NUDT7: variants seen among roughly 807,000 people sequenced by gnomAD.
NUDT7 encodes the protein nudix hydrolase 7.
NUDT7 carries 19 observed loss-of-function variants against 13.1 expected under a neutral mutation model. That is an observed-to-expected ratio of 1.45 (90% CI 1.01 to 2.13). The LOEUF is 2.13. Among genes scored for constraint, NUDT7 ranks in the 30% most tolerant of loss-of-function variants. The pLI is 0.00. For missense variants in NUDT7, 360 were observed against 291.7 expected (o/e 1.23, Z -1.71); for synonymous variants, 132 against 109.7 (o/e 1.20, Z -1.27).
chr16:77,735,037 G>A lies in NUDT7; in HGVS notation c.190-791G>A, dbSNP rs190041441. ...TAGTAGCTTATAGGACTGTTCTGAG[G>A]ACCCAGTGGGAAAAATCTTTATGAA... On this transcript the variant is annotated intron_variant, in intron 2 of 3. Coordinates refer to ENST00000268533, the MANE Select transcript of NUDT7 (RefSeq NM_001105663.3). Among the ~76,000 whole-genome samples the A allele has an allele frequency of 3.7e-3, 568 of 152,198 alleles. 4 individuals are homozygous for A. Among genetic ancestry groups the A allele is most frequent in the South Asian group, 0.011 (51 of 4,816 alleles).
intron 2 of NUDT7, among the ~76,000 whole-genome samples, chr16:77,731,272 T>C (rs1433439518): frequency 3.3e-5 from 5 of 152,204 alleles, no homozygotes; most frequent in African/African-American, 4.8e-5. Flanking sequence ...AAAATTGGTA[T>C]GCTATGAGAT....
At position 77,725,508 on chromosome 16, in the gene NUDT7, A is replaced by G. The variant is rs767347990; in HGVS notation, c.113A>G (p.Asn38Ser). 1 of 1,614,112 alleles carries G rather than the reference A, an allele frequency of 6.2e-7. No homozygotes were observed. The highest frequency in any genetic ancestry group is 8.5e-7 in the Non-Finnish European group (1 of 1,179,954). ...IGGKYSHLPY[N>S]KYSVLLPLVA... is the part of the protein sequence containing the mutation. ...GGCAAATATTCTCACTTGCCATATA[A>G]CAAATACTCCGTCCTTTTGCCATTG... Residue 38 changes from asparagine to serine, a missense_variant, in exon 2 of 4, where the codon AAC becomes AGC. Physicochemically the swap from Asn to Ser is conservative, Grantham distance 46. Transcript: ENST00000268533.
At chr16:77,735,709 C>T in intron 2 of NUDT7, 119 bp from the exon 3 acceptor site, 1 of 921,520 alleles carries the variant, frequency 1.1e-6, no homozygotes, top group Admixed American at 2.2e-5. Context: ...GTCTTGATAC[C>T]ACCACCTGGG....
In NUDT7 at chr16:77,741,638, G is replaced by C; in HGVS notation, c.405G>C (p.Gln135His). 1.2e-6 allele frequency: 2 copies of C among 1,613,800 alleles called. No individual in the cohort carries two copies. The highest frequency in any genetic ancestry group is 1.7e-6 in the Non-Finnish European group (2 of 1,179,992). Residue 135 changes from glutamine to histidine, a missense_variant, in exon 4 of 4, where the codon CAG becomes CAC. Transcript: ENST00000268533. ...VGLIDHNFQA[Q>H]PNPAEVKDVF... is the part of the protein sequence containing the mutation. The stretch of plus-strand genomic sequence containing the variant: ...TAATAGACCACAACTTCCAGGCCCA[G>C]CCGAATCCTGCTGAAGTTAAGGATG...
Position 77,741,991 on chromosome 16 carries a change from T to G in NUDT7, c.*41T>G. The stretch of plus-strand genomic sequence containing the variant: ...GACAAAGAACTATTCACGAGGATTC[T>G]GTGTGTGCTTATTCGTAGAACAACA... On this transcript the variant is annotated 3_prime_UTR_variant, in exon 4 of 4. Transcript: ENST00000268533. 6.6e-7 allele frequency: 1 copy of G among 1,521,518 alleles called. No individual in the cohort carries two copies. The highest frequency in any genetic ancestry group is 1.3e-5 in the South Asian group (1 of 75,574). 94.3% of individuals were successfully genotyped at this position (1,521,518 alleles called of 1,614,324 possible).
chr16:77,736,614 C>G (rs2014492282), intron 3 of NUDT7: 2 of 214,182 alleles, frequency 9.3e-6, no homozygotes, highest in African/African-American at 4.6e-5. Context: ...CTGAGATAAC[C>G]ACATCTTATT....
intron 3 of NUDT7, among the ~76,000 whole-genome samples, chr16:77,739,933 T>A (rs1047482054): frequency 1.3e-5 from 2 of 152,146 alleles, no homozygotes; most frequent in African/African-American, 2.4e-5. Context: ...GAACACCCCA[T>A]GGTGCCCTTG....
intron 2 of NUDT7, among the ~76,000 whole-genome samples, chr16:77,731,795 G>A (rs2014326651): frequency 6.6e-6 from 1 of 151,942 alleles, no homozygotes; most frequent in African/African-American, 2.4e-5. Flanking sequence ...AGAAGACAGT[G>A]ATATTGATTA....
chr16:77,731,685 A>C (rs7194640), intron 2 of NUDT7, among the ~76,000 whole-genome samples: 2 of 152,102 alleles, frequency 1.3e-5, no homozygotes, highest in South Asian at 4.1e-4. Context: ...CCTTCAGGAG[A>C]TATTCCAAAA....
At chr16:77,738,065 C>G (rs1168043346) in intron 3 of NUDT7, among the ~76,000 whole-genome samples, 1 of 152,090 alleles carries the variant, frequency 6.6e-6, no homozygotes, top group Non-Finnish European at 1.5e-5. Flanking sequence ...TGTATGAAAG[C>G]GAGATGGAGA....
intron 2 of NUDT7, among the ~76,000 whole-genome samples, chr16:77,733,834 G>T (rs1397672355): frequency 6.6e-6 from 1 of 152,146 alleles, no homozygotes; most frequent in East Asian, 1.9e-4. Flanking sequence ...AGGAGAGAAA[G>T]GATAGTGGGT....
rs770553176 is a variant in NUDT7 at position 77,722,595 on chromosome 16, G to A, written c.13G>A (p.Gly5Ser). ...ATTCCCCAGGGCAATGTCACGACTT[G>A]GTCTTCCCGAGGAGCCAGTCAGGTA... is the stretch of plus-strand genomic sequence containing the variant. Reference protein sequence around the residue: MSRLGLPEEPVRNSL... With the variant: MSRLSLPEEPVRNSL... Residue 5 changes from glycine to serine, a missense_variant, in exon 1 of 4, where the codon GGT becomes AGT. Transcript: ENST00000268533. 10 of 1,593,674 alleles carry A rather than the reference G, an allele frequency of 6.3e-6. No homozygotes were observed. In the Middle Eastern group the frequency reaches 1.0e-3, roughly 160 times the overall value.
intron 3 of NUDT7, chr16:77,736,663 G>T (rs543826634): frequency 2.2e-5 from 6 of 277,934 alleles, no homozygotes; most frequent in Non-Finnish European, 4.6e-5. Context: ...TGGGGGTCTC[G>T]CTATGTTGAT....
intron 1 of NUDT7, 146 bp downstream of exon 1, chr16:77,722,763 C>T (rs1314649099): frequency 1.4e-6 from 1 of 731,376 alleles, no homozygotes; most frequent in Admixed American, 2.1e-5. Context: ...GCACTCGCCT[C>T]CAGCAACCCG....
At chr16:77,723,532 T>G (rs1158488986) in intron 1 of NUDT7, among the ~76,000 whole-genome samples, 1 of 151,962 alleles carries the variant, frequency 6.6e-6, no homozygotes, top group East Asian at 1.9e-4. Context: ...TTTAATCTTC[T>G]TAAATATCCT....
chr16:77,735,472 C>T (rs308926), intron 2 of NUDT7: 632,291 of 654,590 alleles, frequency 0.97, 306,906 homozygotes, highest in South Asian at 0.99. Flanking sequence ...GCCAAGCAGA[C>T]GCCAGCATCA....
chr16:77,730,825 T>C (rs1370188288), intron 2 of NUDT7, among the ~76,000 whole-genome samples: 2 of 152,166 alleles, frequency 1.3e-5, no homozygotes, highest in African/African-American at 2.4e-5. Context: ...GTAATGTCTC[T>C]CTGTGGTTTT....
At chr16:77,723,121 A>T (rs543658040) in intron 1 of NUDT7, among the ~76,000 whole-genome samples, 1 of 146,718 alleles carries the variant, frequency 6.8e-6, no homozygotes, top group Non-Finnish European at 1.5e-5. Context: ...ACTGCTGTTG[A>T]TACCTTGGTG....
intron 2 of NUDT7, among the ~76,000 whole-genome samples, chr16:77,734,650 T>G (rs1411848179): frequency 6.6e-6 from 1 of 152,008 alleles, no homozygotes; most frequent in African/African-American, 2.4e-5. Flanking sequence ...GTAGCTTACC[T>G]GCCCATCAAT....
Sources: gnomAD v4.1 joint callset for allele counts (sites outside exome capture counted in the v4.1 genomes callset) on GRCh38, gnomAD v4.1.1 for gene constraint, MANE v1.5 for transcripts, NCBI Gene and HGNC (gene_info 2026-07-23, HGNC 2026-07-21) for gene names.